The following IRAG2 variants were observed in gnomAD, a reference collection of about 807,000 sequenced individuals.
IRAG2 encodes the protein lymphoid restricted membrane protein.
Under a neutral mutation model 69.9 loss-of-function variants are expected in IRAG2, and 45 were observed. The observed-to-expected ratio is 0.64, with a 90% CI of 0.51 to 0.83. IRAG2 has a LOEUF of 0.83. Ranked by LOEUF, IRAG2 falls within the 40% of genes least tolerant of loss-of-function variation. The pLI is 0.00. For synonymous variants in IRAG2, 193 were observed against 202.4 expected (o/e 0.95, Z 0.40); for missense variants, 520 against 587.0 (o/e 0.89, Z 1.18).
upstream of IRAG2, among the ~76,000 whole-genome samples, chr12:25,001,147 T>G (rs1393386859): frequency 1.3e-5 from 2 of 152,170 alleles, no homozygotes; most frequent in African/African-American, 2.4e-5. Context: ...AGCCATTGTT[T>G]TCAGTGCACT....
chr12:25,033,595 T>C (rs748116473), intron 12 of IRAG2, among the ~76,000 whole-genome samples: 9 of 152,216 alleles, frequency 5.9e-5, no homozygotes, highest in African/African-American at 9.6e-5. Flanking sequence ...AGTGACATTT[T>C]CTGATTTTTA....
upstream of IRAG2, among the ~76,000 whole-genome samples, chr12:25,049,825 A>T (rs1341783697): frequency 1.4e-4 from 21 of 151,786 alleles, no homozygotes; most frequent in Non-Finnish European, 4.4e-5. Context: ...TACTAAAAAT[A>T]CAAAAAAATT....
intron 16 of IRAG2, among the ~76,000 whole-genome samples, chr12:25,039,441 T>C (rs936524990): frequency 1.3e-5 from 2 of 152,022 alleles, no homozygotes; most frequent in Non-Finnish European, 2.9e-5. Flanking sequence ...AACATTCTTC[T>C]TTTTTTTGAG....
At chr12:25,007,951 T>A (rs1944445574) in intron 2 of IRAG2, among the ~76,000 whole-genome samples, 1 of 151,568 alleles carries the variant, frequency 6.6e-6, no homozygotes, top group East Asian at 1.9e-4. Flanking sequence ...TTTTATTTTA[T>A]TTTTTTTTAT....
At chr12:25,013,866 C>CTTTTTTTTTTTTTTTT (rs71063386) in intron 3 of IRAG2, among the ~76,000 whole-genome samples, 1 of 79,530 alleles carries the variant, frequency 1.3e-5, no homozygotes. Flanking sequence ...TTTTCTTTTT[C>CTTTTTTTTTTTTTTTT]TTTTTTTTTT....
Position 25,041,642 on chromosome 12 carries a change from G to A in IRAG2, c.2144+3505G>A, listed in dbSNP as rs375123525. Among the ~76,000 whole-genome samples the A allele has an allele frequency of 1.5e-4, 23 of 150,080 alleles. No homozygotes were observed. In the South Asian group the frequency reaches 2.1e-3, roughly 14 times the overall value. On this transcript the variant is annotated intron_variant, in intron 16 of 38. Coordinates refer to the IRAG2 transcript ENST00000636465. The stretch of plus-strand genomic sequence containing the variant: ...TCAGACTCCCAAGTAGCTGTATGCC[G>A]CTATGCTCCGCTAAGTTTTGTTTTT...
intron 17 of IRAG2, chr12:25,102,974 C>A (rs1361330815): frequency 6.6e-6 from 1 of 152,106 alleles, no homozygotes; most frequent in Non-Finnish European, 1.5e-5. Flanking sequence ...AAGAGAAACA[C>A]AGAAGTTAAG....
In IRAG2 at chr12:25,088,074, A is replaced by T. The variant is rs1456494146; in HGVS notation, c.316-26A>T. ...GTTATGAAGTATTTCCACTCTATGTACAGTGGTAAAATCTTATGATTTTAG... is the reference window on the plus strand; with the variant it reads ...GTTATGAAGTATTTCCACTCTATGTTCAGTGGTAAAATCTTATGATTTTAG... On this transcript the variant is annotated intron_variant, in intron 10 of 21. Coordinates refer to ENST00000556887, the MANE Select transcript of IRAG2 (RefSeq NM_001366544.2). 2.0e-6 allele frequency: 3 copies of T among 1,535,922 alleles called. No individual in the cohort carries two copies. In the Admixed American group the frequency reaches 5.0e-5, roughly 26 times the overall value.
At chr12:25,001,045 C>T (rs1330582410), upstream of IRAG2, among the ~76,000 whole-genome samples, 1 of 152,140 alleles carries the variant, frequency 6.6e-6, no homozygotes, top group Non-Finnish European at 1.5e-5. Flanking sequence ...CTTTATCACC[C>T]CATCTTATTT....
At position 25,108,107 on chromosome 12, in the gene IRAG2, T is replaced by C. The variant is rs772243411; in HGVS notation, c.*47T>C. The C allele has an allele frequency of 5.7e-6, 9 of 1,587,168 alleles. No homozygotes were observed. Among genetic ancestry groups the C allele is most frequent in the Non-Finnish European group, 7.7e-6 (9 of 1,165,056 alleles). ...GGATCTTGATTTTTAAGTTTCAGTA[T>C]CTGAACTTCGTAAATTAGTAACTTT... On this transcript the variant is annotated 3_prime_UTR_variant, in exon 22 of 22. Transcript: ENST00000556887.
upstream of IRAG2, chr12:25,052,343 G>A (rs983240839): frequency 2.8e-5 from 11 of 398,710 alleles, no homozygotes; most frequent in Non-Finnish European, 4.9e-5. Context: ...AGGATGTGGA[G>A]GAGCAGGTAG....
At chr12:25,075,089 C>A (rs563621453) in intron 6 of IRAG2, among the ~76,000 whole-genome samples, 6 of 152,144 alleles carry the variant, frequency 3.9e-5, no homozygotes, top group Admixed American at 2.0e-4. Context: ...GTGTGGTATA[C>A]CTTTAGTTAG....
At chr12:25,069,514 T>C in intron 6 of IRAG2, 83 bp downstream of exon 6, 1 of 1,231,012 alleles carries the variant, frequency 8.1e-7, no homozygotes, top group South Asian at 1.3e-5. Flanking sequence ...TTTCCCTGTC[T>C]TTTTTATTTT....
chr12:25,103,776 G>T, intron 17 of IRAG2, 61 bp from the exon 18 acceptor site: 1 of 1,165,502 alleles, frequency 8.6e-7, no homozygotes, highest in Non-Finnish European at 1.3e-6. Context: ...ATTTATTGGT[G>T]TTGCATATAA....
At chr12:25,085,410 G>T (rs555324676) in intron 10 of IRAG2, among the ~76,000 whole-genome samples, 2 of 152,280 alleles carry the variant, frequency 1.3e-5, no homozygotes, top group South Asian at 2.1e-4. Context: ...TTCTCCAACT[G>T]CCCCAGGCTA....
upstream of IRAG2, among the ~76,000 whole-genome samples, chr12:25,047,666 G>A (rs60569174): frequency 0.025 from 3,766 of 152,110 alleles, 128 homozygotes; most frequent in African/African-American, 0.075. Flanking sequence ...ATGTGTCCAT[G>A]TGTTCTCATC....
At chr12:25,032,598 T>C (rs760767315) in intron 12 of IRAG2, among the ~76,000 whole-genome samples, 1 of 152,228 alleles carries the variant, frequency 6.6e-6, no homozygotes, top group Non-Finnish European at 1.5e-5. Flanking sequence ...GCTTCAATAA[T>C]ACTCATTTAT....
At chr12:25,067,590 T>A (rs889442592) in intron 5 of IRAG2, among the ~76,000 whole-genome samples, 3 of 152,172 alleles carry the variant, frequency 2.0e-5, no homozygotes, top group Admixed American at 1.3e-4. Flanking sequence ...TTTGCTAGAG[T>A]AGCTCACAGA....
upstream of IRAG2, among the ~76,000 whole-genome samples, chr12:25,050,099 C>T (rs1944830519): frequency 6.6e-6 from 1 of 150,978 alleles, no homozygotes; most frequent in Non-Finnish European, 1.5e-5. Context: ...CTCCATCCAG[C>T]CTGGGTGACA....
Sources: gnomAD v4.1 joint callset for allele counts (sites outside exome capture counted in the v4.1 genomes callset) on GRCh38, gnomAD v4.1.1 for gene constraint, MANE v1.5 for transcripts, NCBI Gene and HGNC (gene_info 2026-07-23, HGNC 2026-07-21) for gene names.